Variants in CDH13 observed in about 807,000 individuals in gnomAD.
CDH13 encodes the protein cadherin-13.
CDH13 carries 24 observed loss-of-function variants against 63.8 expected under a neutral mutation model. That is an observed-to-expected ratio of 0.38 (90% CI 0.27 to 0.53). The LOEUF (loss-of-function observed/expected upper bound fraction) is 0.53, where lower values mean the gene tolerates loss of function less well. Ranked by LOEUF, CDH13 falls within the 20% of genes least tolerant of loss-of-function variation. CDH13 has a pLI of 0.85. For synonymous variants in CDH13, 503 were observed against 355.3 expected (o/e 1.42, Z -4.67); for missense variants, 1,049 against 903.1 (o/e 1.16, Z -2.07).
intron 3 of CDH13, among the ~76,000 whole-genome samples, chr16:83,097,901 T>C (rs759768825): frequency 9.9e-5 from 15 of 152,044 alleles, no homozygotes; most frequent in Non-Finnish European, 1.6e-4. Context: ...CATTCCTTCT[T>C]ACAAAAAATA....
intron 5 of CDH13, among the ~76,000 whole-genome samples, chr16:83,305,021 C>T (rs546994387): frequency 2.8e-4 from 43 of 152,312 alleles, no homozygotes; most frequent in African/African-American, 1.0e-3. Flanking sequence ...ACGCATTCCC[C>T]ACAGACCGGG....
chr16:83,255,831 C>G (rs1025624546), intron 5 of CDH13, among the ~76,000 whole-genome samples: 1 of 152,088 alleles, frequency 6.6e-6, no homozygotes, highest in Non-Finnish European at 1.5e-5. Context: ...AATAAGGATA[C>G]TGGCTTTTAA....
chr16:82,902,075 C>T (rs1383168531), intron 2 of CDH13, among the ~76,000 whole-genome samples: 1 of 152,180 alleles, frequency 6.6e-6, no homozygotes, highest in Non-Finnish European at 1.5e-5. Context: ...AAAACTTGGG[C>T]TGTTTGCCTA....
At chr16:82,673,677 G>A (rs1913560415) in intron 1 of CDH13, among the ~76,000 whole-genome samples, 1 of 152,210 alleles carries the variant, frequency 6.6e-6, no homozygotes, top group African/African-American at 2.4e-5. Flanking sequence ...TTAAACCTAT[G>A]TTGAGAAATC....
intron 11 of CDH13, among the ~76,000 whole-genome samples, chr16:83,777,729 T>G (rs1175477836): frequency 2.0e-5 from 3 of 152,246 alleles, no homozygotes; most frequent in Non-Finnish European, 4.4e-5. Flanking sequence ...GCGTCCTGTA[T>G]GCCAACTTCA....
chr16:83,454,550 AT>A (rs2072969857), intron 6 of CDH13, among the ~76,000 whole-genome samples: 1 of 152,106 alleles, frequency 6.6e-6, no homozygotes, highest in South Asian at 2.1e-4. Flanking sequence ...GGTCCTTATC[AT>A]TATAATTTTT....
chr16:82,839,915 C>G (rs1597760461), intron 1 of CDH13, among the ~76,000 whole-genome samples: 1 of 152,196 alleles, frequency 6.6e-6, no homozygotes, highest in Non-Finnish European at 1.5e-5. Flanking sequence ...TTAGCAGACA[C>G]TTTGAAATAT....
intron 2 of CDH13, among the ~76,000 whole-genome samples, chr16:82,919,669 T>G (rs1048054084): frequency 2.0e-5 from 3 of 152,210 alleles, no homozygotes; most frequent in African/African-American, 7.2e-5. Flanking sequence ...TGAACATATG[T>G]GTGCATGTGG....
intron 13 of CDH13, among the ~76,000 whole-genome samples, chr16:83,788,232 G>A (rs945219801): frequency 1.3e-5 from 2 of 151,984 alleles, no homozygotes; most frequent in Admixed American, 6.6e-5. Context: ...CCCTGCTCAC[G>A]GTTCAGCTAC....
At chr16:83,327,027 C>T (rs1351563697) in intron 5 of CDH13, among the ~76,000 whole-genome samples, 1 of 152,242 alleles carries the variant, frequency 6.6e-6, no homozygotes, top group Non-Finnish European at 1.5e-5. Flanking sequence ...AGATGTTGAG[C>T]TAGGGTTGTA....
intron 4 of CDH13, chr16:83,181,211 A>G (rs1453656039): frequency 6.8e-6 from 3 of 439,626 alleles, no homozygotes; most frequent in East Asian, 8.1e-5. Context: ...GTCATTTAGT[A>G]TTAGGGGACT....
At chr16:83,434,763 C>T (rs892063491) in intron 6 of CDH13, among the ~76,000 whole-genome samples, 2 of 150,974 alleles carry the variant, frequency 1.3e-5, no homozygotes, top group Non-Finnish European at 2.9e-5. Context: ...GTCGCCCTAA[C>T]CAAGGATATG....
At chr16:82,800,775 A>C (rs910511063) in intron 1 of CDH13, among the ~76,000 whole-genome samples, 4 of 152,226 alleles carry the variant, frequency 2.6e-5, no homozygotes, top group African/African-American at 7.2e-5. Flanking sequence ...TCCTGTGCTA[A>C]TTAAAATTTG....
chr16:83,559,570 AAAAG>A lies in CDH13; in HGVS notation c.961-42878_961-42875del, dbSNP rs1354877685. ...TGGGCAACAAGAGCGAAACTGTATA[AAAAG>A]AAAGAGAGAGAGAGAGAGAAAAGAA... On this transcript the variant is annotated intron_variant, in intron 7 of 13. Transcript: ENST00000567109. 2.3e-3 allele frequency among the ~76,000 whole-genome samples: 281 copies of A among 121,352 alleles called. 1 individual carries two copies. The highest frequency in any genetic ancestry group is 4.5e-3 in the Middle Eastern group (1 of 224). 79.6% of individuals were successfully genotyped at this position (121,352 alleles called of 152,430 possible). A position where few individuals can be genotyped will look rare whatever the true frequency, so the allele number is the denominator to read the frequency against.
intron 10 of CDH13, among the ~76,000 whole-genome samples, chr16:83,687,794 T>C (rs541612912): frequency 1.2e-4 from 19 of 152,356 alleles, no homozygotes; most frequent in African/African-American, 4.3e-4. Context: ...GAAAGTTACA[T>C]TGAAGAGCCA....
At chr16:83,650,194 A>T (rs1359743360) in intron 8 of CDH13, among the ~76,000 whole-genome samples, 1 of 151,948 alleles carries the variant, frequency 6.6e-6, no homozygotes. Flanking sequence ...ATTTATTGAA[A>T]AGCAGCAGGA....
At chr16:83,254,860 G>C (rs1034877275) in intron 5 of CDH13, among the ~76,000 whole-genome samples, 10 of 152,160 alleles carry the variant, frequency 6.6e-5, no homozygotes, top group African/African-American at 2.2e-4. Context: ...TTGTAAAAAT[G>C]GTCCCTACTA....
Position 82,690,505 on chromosome 16 carries a change from A to G in CDH13, c.45+63368A>G, listed in dbSNP as rs1216397716. On this transcript the variant is annotated intron_variant, in intron 1 of 13. Transcript: ENST00000567109. ...CAGAAGAGGAAGCACACAAGTTTGTAGATTAGCCTAAGCTATTCTGGATAG... is the reference window on the plus strand; with the variant it reads ...CAGAAGAGGAAGCACACAAGTTTGTGGATTAGCCTAAGCTATTCTGGATAG... Among the ~76,000 whole-genome samples the G allele has an allele frequency of 4.6e-5, 7 of 152,320 alleles. 1 individual carries two copies. The highest frequency in any genetic ancestry group is 3.3e-4 in the Admixed American group (5 of 15,304).
At chr16:83,403,572 G>A (rs1597939690) in intron 6 of CDH13, among the ~76,000 whole-genome samples, 2 of 152,038 alleles carry the variant, frequency 1.3e-5, no homozygotes, top group African/African-American at 2.4e-5. Context: ...GCAGTGACCC[G>A]AGATGGCACA....
Sources: allele counts gnomAD v4.1 joint callset (sites outside exome capture counted in the v4.1 genomes callset), GRCh38; gene constraint gnomAD v4.1.1; transcripts MANE v1.5; gene names NCBI Gene and HGNC (gene_info 2026-07-23, HGNC 2026-07-21).